The following SPINK6 variants were observed in gnomAD, a reference collection of about 807,000 sequenced individuals.
The protein encoded by SPINK6 is serine peptidase inhibitor Kazal type 6, also known as serine protease inhibitor Kazal-type 6.
In SPINK6, 13 loss-of-function variants were observed where a neutral mutation model predicts 11.7. The ratio of observed to expected loss-of-function variants is 1.11; its 90% confidence interval spans 0.72 to 1.76. The LOEUF (loss-of-function observed/expected upper bound fraction) is 1.76. Among genes scored for constraint, SPINK6 ranks in the 40% most tolerant of loss-of-function variants. The pLI, the probability that SPINK6 is intolerant of heterozygous loss-of-function variation, is 0.00. For synonymous variants in SPINK6, 21 were observed against 31.9 expected (o/e 0.66, Z 1.15); for missense variants, 98 against 93.7 (o/e 1.05, Z -0.19).
intron 1 of SPINK6, among the ~76,000 whole-genome samples, chr5:148,204,015 T>C (rs1224105523): frequency 1.3e-5 from 2 of 152,164 alleles, no homozygotes; most frequent in African/African-American, 2.4e-5. Context: ...CTGAGATATT[T>C]TGTCATTTGT....
chr5:148,207,785 G>A (rs945097359), intron 2 of SPINK6, among the ~76,000 whole-genome samples: 9 of 152,206 alleles, frequency 5.9e-5, no homozygotes, highest in Non-Finnish European at 1.3e-4. Context: ...CCAAGATTGT[G>A]CCACTGCAGA....
At chr5:148,212,580 TATAA>T (rs1158180015) in intron 2 of SPINK6, among the ~76,000 whole-genome samples, 3 of 105,802 alleles carry the variant, frequency 2.8e-5, no homozygotes, top group South Asian at 2.4e-4. Context: ...TTATATATTA[TATAA>T]ATATATTTTA....
At chr5:148,214,736 C>A (rs953949994) in intron 3 of SPINK6, among the ~76,000 whole-genome samples, 169 bp from the exon 4 acceptor site, 10 of 152,104 alleles carry the variant, frequency 6.6e-5, no homozygotes, top group African/African-American at 2.4e-4. Flanking sequence ...CACAGCTAGG[C>A]CAGATGTAAC....
intron 1 of SPINK6, among the ~76,000 whole-genome samples, chr5:148,203,851 C>T (rs114269639): frequency 0.025 from 3,784 of 152,198 alleles, 65 homozygotes; most frequent in Non-Finnish European, 0.041. Flanking sequence ...ACAGAACCAT[C>T]GGAATGAGCA....
chr5:148,214,869 T>C, intron 3 of SPINK6, 36 bp from the exon 4 acceptor site: 2 of 1,564,392 alleles, frequency 1.3e-6, no homozygotes, highest in Admixed American at 1.7e-5. Flanking sequence ...ACTTACGATA[T>C]TGCACTGAGT....
At chr5:148,209,465 A>G (rs1333143114) in intron 2 of SPINK6, among the ~76,000 whole-genome samples, 1 of 152,196 alleles carries the variant, frequency 6.6e-6, no homozygotes, top group Non-Finnish European at 1.5e-5. Flanking sequence ...TTAAGCAAAT[A>G]ATATGATAAG....
upstream of SPINK6, chr5:148,202,939 A>G (rs1755451322): frequency 2.1e-6 from 1 of 479,952 alleles, no homozygotes; most frequent in African/African-American, 2.0e-5. Context: ...GATGGGGAGC[A>G]TGAAGCATTT....
At chr5:148,212,999 T>C (rs947252412) in intron 2 of SPINK6, among the ~76,000 whole-genome samples, 1 of 149,488 alleles carries the variant, frequency 6.7e-6, no homozygotes, top group Non-Finnish European at 1.5e-5. Flanking sequence ...ATATTTAGTA[T>C]CTATATACTT....
intron 1 of SPINK6, among the ~76,000 whole-genome samples, chr5:148,204,554 A>G (rs1256237537): frequency 6.6e-6 from 1 of 150,722 alleles, no homozygotes; most frequent in Non-Finnish European, 1.5e-5. Flanking sequence ...AGTGAATTTT[A>G]GCCCTGGCAC....
At chr5:148,204,965 G>A (rs1755479193) in intron 1 of SPINK6, among the ~76,000 whole-genome samples, 1 of 151,992 alleles carries the variant, frequency 6.6e-6, no homozygotes, top group Admixed American at 6.5e-5. Context: ...GAACTCTCTG[G>A]TTTTATATAA....
chr5:148,210,318 ATGTGTTTCTGCATACATATATATG>A (rs1561732714), intron 2 of SPINK6, among the ~76,000 whole-genome samples: 381 of 20,086 alleles, frequency 0.019, 3 homozygotes, highest in African/African-American at 0.059. Context: ...ATATATATGT[ATGTGTTTCTGCATACATATATATG>A]TGTTTCTGCA....
intron 2 of SPINK6, among the ~76,000 whole-genome samples, chr5:148,209,954 A>ATATGTATACATACATACGTACGTATG (rs1554112229): frequency 0.13 from 1,690 of 12,616 alleles, 90 homozygotes; most frequent in African/African-American, 0.25. Flanking sequence ...GGTTTCATAT[A>ATATGTATACATACATACGTACGTATG]TATGTATACA....
chr5:148,213,267 G>A (rs1207649749), intron 2 of SPINK6, among the ~76,000 whole-genome samples: 1 of 151,856 alleles, frequency 6.6e-6, no homozygotes, highest in African/African-American at 2.4e-5. Context: ...GCTGGAGTGC[G>A]GTGGCGCGAT....
intron 1 of SPINK6, 77 bp downstream of exon 1, chr5:148,203,231 A>T: frequency 9.2e-7 from 1 of 1,083,872 alleles, no homozygotes; most frequent in East Asian, 2.4e-5. Flanking sequence ...TCATATTTTA[A>T]ATCCTAATGA....
intron 2 of SPINK6, 27 bp from the exon 3 acceptor site, chr5:148,213,883 T>G: frequency 8.3e-7 from 1 of 1,198,494 alleles, no homozygotes; most frequent in Non-Finnish European, 1.3e-6. Flanking sequence ...TGCACTGATG[T>G]CAATGTCACT....
At chr5:148,210,288 ATATG>A (rs1199002529) in intron 2 of SPINK6, among the ~76,000 whole-genome samples, 369 of 18,458 alleles carry the variant, frequency 0.02, 13 homozygotes, top group Middle Eastern at 0.071. Context: ...GCATACATAT[ATATG>A]TATGTTTCTG....
chr5:148,209,879 A>G (rs2113311225), intron 2 of SPINK6, among the ~76,000 whole-genome samples: 1 of 150,234 alleles, frequency 6.7e-6, no homozygotes, highest in South Asian at 2.1e-4. Context: ...ATACAAAACT[A>G]GTTTGAAAGA....
In SPINK6 at chr5:148,213,904, T is replaced by C. The variant is rs1561734285; in HGVS notation, c.82-6T>C. 2.0e-6 allele frequency: 3 copies of C among 1,468,860 alleles called. No individual in the cohort carries two copies. Among genetic ancestry groups the C allele is most frequent in the Non-Finnish European group, 2.9e-6 (3 of 1,045,822 alleles). 91.0% of individuals were successfully genotyped at this position (1,468,860 alleles called of 1,614,324 possible). ...GATGTCAATGTCACTCTGCTTACTTTGGTAGGTTGACTGTGGTGAGTTCCA... is the reference window on the plus strand; with the variant it reads ...GATGTCAATGTCACTCTGCTTACTTCGGTAGGTTGACTGTGGTGAGTTCCA... On this transcript the variant is annotated splice_region_variant and splice_polypyrimidine_tract_variant and intron_variant, in intron 2 of 3. Transcript: ENST00000325630.
intron 2 of SPINK6, among the ~76,000 whole-genome samples, chr5:148,211,623 G>A (rs191255604): frequency 4.6e-5 from 7 of 152,216 alleles, no homozygotes; most frequent in Admixed American, 1.3e-4. Flanking sequence ...CATCGAGTCC[G>A]TTGTTCAAGA....
Sources: gnomAD v4.1 joint callset for allele counts (sites outside exome capture counted in the v4.1 genomes callset) on GRCh38, gnomAD v4.1.1 for gene constraint, MANE v1.5 for transcripts, NCBI Gene and HGNC (gene_info 2026-07-23, HGNC 2026-07-21) for gene names.